Variants in GNA14 observed in about 807,000 individuals in gnomAD.
GNA14 encodes the protein G protein subunit alpha 14.
A neutral mutation model predicts 42.0 loss-of-function variants in GNA14; 50 were observed. The ratio of observed to expected loss-of-function variants is 1.19; its 90% CI spans 0.95 to 1.51. GNA14 has a LOEUF of 1.51. Ranked by LOEUF, GNA14 falls within the 40% of genes most tolerant of loss-of-function variation. GNA14 has a pLI of 0.00. For missense variants in GNA14, 473 were observed against 446.2 expected (o/e 1.06, Z -0.54); for synonymous variants, 173 against 163.1 (o/e 1.06, Z -0.46).
chr9:77,488,218 C>G (rs987198083), intron 2 of GNA14, among the ~76,000 whole-genome samples: 2 of 152,156 alleles, frequency 1.3e-5, no homozygotes, highest in African/African-American at 4.8e-5. Context: ...GGTAAGATAA[C>G]TGAACTTCCA....
chr9:77,635,557 C>A (rs2378028), intron 1 of GNA14, among the ~76,000 whole-genome samples: 34,463 of 151,946 alleles, frequency 0.23, 5,239 homozygotes, highest in African/African-American at 0.42. Flanking sequence ...TTTGTACTAT[C>A]TGGTAAGGAA....
chr9:77,428,080 TTTC>T lies in GNA14; in HGVS notation c.723+824_723+826del, dbSNP rs1180815883. On this transcript the variant is annotated intron_variant, in intron 5 of 6. Transcript: ENST00000341700. ...AGAGATGGCATTTTTTCTTTTTTTTTTTCTTTTTTTTTTTTTGAGATGGAGTCT... is the reference window on the plus strand; with the variant it reads ...AGAGATGGCATTTTTTCTTTTTTTTTTTTTTTTTTTTTTGAGATGGAGTCT... 3.5e-3 allele frequency among the ~76,000 whole-genome samples: 510 copies of T among 146,602 alleles called. 2 individuals carry two copies. The highest frequency in any genetic ancestry group is 0.012 in the African/African-American group (479 of 39,082).
At chr9:77,557,455 A>G (rs1400616431) in intron 1 of GNA14, among the ~76,000 whole-genome samples, 1 of 152,202 alleles carries the variant, frequency 6.6e-6, no homozygotes, top group African/African-American at 2.4e-5. Flanking sequence ...AAGTACAGAC[A>G]TTTTGCTGTG....
intron 2 of GNA14, among the ~76,000 whole-genome samples, chr9:77,478,762 A>G (rs1034126475): frequency 4.3e-4 from 66 of 152,026 alleles, no homozygotes; most frequent in Non-Finnish European, 7.2e-4. Flanking sequence ...TTTGATTTGC[A>G]TTTCTCTGAT....
intron 2 of GNA14, among the ~76,000 whole-genome samples, chr9:77,478,194 C>T (rs947290184): frequency 2.2e-5 from 3 of 136,850 alleles, no homozygotes; most frequent in East Asian, 2.3e-4. Context: ...CACCCCACAA[C>T]AGTCCCCGGA....
intron 2 of GNA14, among the ~76,000 whole-genome samples, chr9:77,501,713 C>CTT (rs71358606): frequency 0.033 from 4,285 of 130,308 alleles, 359 homozygotes; most frequent in African/African-American, 0.12. Context: ...TGGATAATTT[C>CTT]TTTTTTTTTT....
chr9:77,488,801 A>AAAAAAAAAC (rs1836704757), intron 2 of GNA14, among the ~76,000 whole-genome samples: 1 of 150,858 alleles, frequency 6.6e-6, no homozygotes, highest in African/African-American at 2.4e-5. Flanking sequence ...AAAAAAAAAA[A>AAAAAAAAAC]AAAAAAAACA....
At chr9:77,567,453 A>T (rs914061898) in intron 1 of GNA14, among the ~76,000 whole-genome samples, 4 of 152,240 alleles carry the variant, frequency 2.6e-5, no homozygotes, top group African/African-American at 9.6e-5. Context: ...ATTCATTCTC[A>T]GTATGCAGTA....
At chr9:77,647,604 G>A (rs1824378998) in intron 1 of GNA14, 66 bp downstream of exon 1, 2 of 1,539,706 alleles carry the variant, frequency 1.3e-6, no homozygotes, top group Non-Finnish European at 8.8e-7. Context: ...GGGTGCCAGT[G>A]GAGAGGCCGG....
intron 2 of GNA14, among the ~76,000 whole-genome samples, chr9:77,437,281 AC>A (rs1835654507): frequency 6.6e-6 from 1 of 152,226 alleles, no homozygotes; most frequent in Non-Finnish European, 1.5e-5. Flanking sequence ...GCAGTGGCTC[AC>A]GCCTGTAATC....
intron 1 of GNA14, among the ~76,000 whole-genome samples, chr9:77,557,889 G>A (rs544448052): frequency 6.6e-6 from 1 of 152,152 alleles, no homozygotes; most frequent in Non-Finnish European, 1.5e-5. Context: ...GCAGCCCTTA[G>A]GGATTATCTT....
At chr9:77,562,340 TGAGGATTGA>T (rs1218406160) in intron 1 of GNA14, among the ~76,000 whole-genome samples, 1 of 151,988 alleles carries the variant, frequency 6.6e-6, no homozygotes, top group Non-Finnish European at 1.5e-5. Flanking sequence ...AGATGAGGAA[TGAGGATTGA>T]GAGCAAGGAG....
intron 2 of GNA14, among the ~76,000 whole-genome samples, chr9:77,436,886 A>G (rs1339310088): frequency 6.6e-6 from 1 of 152,226 alleles, no homozygotes; most frequent in Non-Finnish European, 1.5e-5. Context: ...GAAAATTATG[A>G]CAAAATAAGA....
chr9:77,538,377 T>A (rs775160323), intron 1 of GNA14, among the ~76,000 whole-genome samples: 3 of 152,164 alleles, frequency 2.0e-5, no homozygotes, highest in Non-Finnish European at 2.9e-5. Flanking sequence ...TCTGACCTGT[T>A]CTTTTTGCTC....
rs1246683410 is a variant in GNA14, at chr9:77,537,339, T to C, written c.125-8086A>G. Among the ~76,000 whole-genome samples the C allele has an allele frequency of 2.0e-5, 3 of 152,228 alleles. No homozygotes were observed. The East Asian group carries it at 5.8e-4, about 29-fold the overall frequency. ...GAGTGAGAACATGCAGTACCTGCCT[T>C]GTTTTGCCTGGCTTATCCCACTTAA... On this transcript the variant is annotated intron_variant, in intron 1 of 6. Coordinates refer to ENST00000341700, the MANE Select transcript of GNA14 (RefSeq NM_004297.4).
intron 1 of GNA14, among the ~76,000 whole-genome samples, chr9:77,629,571 C>A (rs975012046): frequency 6.6e-6 from 1 of 152,146 alleles, no homozygotes; most frequent in Non-Finnish European, 1.5e-5. Context: ...CAGTTTATGT[C>A]CTTTGCAGGG....
At chr9:77,623,484 A>G (rs1823965909) in intron 1 of GNA14, among the ~76,000 whole-genome samples, 1 of 152,176 alleles carries the variant, frequency 6.6e-6, no homozygotes, top group Non-Finnish European at 1.5e-5. Flanking sequence ...GGCTGGCAAG[A>G]TGGCTGAATA....
Position 77,626,061 on chromosome 9 carries a change from G to GAA in GNA14, c.124+21607_124+21608dup, listed in dbSNP as rs57888509. 6.1e-3 allele frequency among the ~76,000 whole-genome samples: 864 copies of GAA among 141,106 alleles called. 9 individuals carry two copies. The highest frequency in any genetic ancestry group is 0.02 in the South Asian group (90 of 4,514). The allele number at this position is 141,106 out of a possible 152,430, so 92.6% of individuals were successfully genotyped here. On this transcript the variant is annotated intron_variant, in intron 1 of 6. Transcript: ENST00000341700. ...GGAATATTTACCAAGCAAATGGAAA[G>GAA]AAAAAAAAAAAGAAGCAGGGTTTGC...
At chr9:77,499,216 C>T (rs1378756774) in intron 2 of GNA14, among the ~76,000 whole-genome samples, 1 of 150,300 alleles carries the variant, frequency 6.7e-6, no homozygotes, top group Non-Finnish European at 1.5e-5. Context: ...ATTTAACTAA[C>T]ATTTGTAATT....
Sources: allele counts gnomAD v4.1 joint callset (sites outside exome capture counted in the v4.1 genomes callset), GRCh38; gene constraint gnomAD v4.1.1; transcripts MANE v1.5; gene names NCBI Gene and HGNC (gene_info 2026-07-23, HGNC 2026-07-21).